PDE4D: variants seen among roughly 807,000 people sequenced by gnomAD.
PDE4D encodes the protein phosphodiesterase 4D.
Under a neutral mutation model 87.4 loss-of-function variants are expected in PDE4D, and 24 were observed. That is an observed-to-expected ratio of 0.27 (90% CI 0.20 to 0.39). PDE4D has a LOEUF of 0.39. PDE4D is among the 10% of genes least tolerant of loss of function. PDE4D has a pLI of 1.00. For synonymous variants in PDE4D, 384 were observed against 383.2 expected, an observed-to-expected ratio of 1.00 and a Z score of -0.02; for missense variants, 714 against 1,041.0, an observed-to-expected ratio of 0.69 and a Z score of 4.32.
chr5:59,562,457 C>T (rs1001726511), intron 1 of PDE4D, among the ~76,000 whole-genome samples: 2 of 152,062 alleles, frequency 1.3e-5, no homozygotes, highest in Admixed American at 1.3e-4. Context: ...TGAGATTTGA[C>T]CAGGATGATC....
At chr5:59,019,407 T>C (rs1320167194) in intron 6 of PDE4D, among the ~76,000 whole-genome samples, 1 of 152,190 alleles carries the variant, frequency 6.6e-6, no homozygotes, top group Non-Finnish European at 1.5e-5. Flanking sequence ...TATAGTCAAA[T>C]GTAAGGGTTC....
chr5:59,355,798 A>G (rs1781287537), intron 1 of PDE4D, among the ~76,000 whole-genome samples: 1 of 152,142 alleles, frequency 6.6e-6, no homozygotes, highest in African/African-American at 2.4e-5. Context: ...TTAGTGTCTA[A>G]AGCAAATAAT....
intron 1 of PDE4D, among the ~76,000 whole-genome samples, chr5:59,373,816 A>G (rs760538996): frequency 3.3e-5 from 5 of 152,204 alleles, no homozygotes; most frequent in Admixed American, 1.3e-4. Context: ...AGCCCATCAG[A>G]CTAACTGTGG....
intron 1 of PDE4D, among the ~76,000 whole-genome samples, chr5:59,556,876 A>C (rs1459227663): frequency 6.6e-6 from 1 of 152,190 alleles, no homozygotes; most frequent in Non-Finnish European, 1.5e-5. Context: ...GAAGGGAGGA[A>C]GGGAAGGACA....
In PDE4D at chr5:59,791,771, T is replaced by C. The variant is rs564864764; in HGVS notation, c.455+101397A>G. 3.3e-5 allele frequency among the ~76,000 whole-genome samples: 5 copies of C among 152,246 alleles called. No homozygotes were observed. In the South Asian group the frequency reaches 1.0e-3, roughly 32 times the overall value. The stretch of plus-strand genomic sequence containing the variant: ...GGAGCAGACAGCCCCGGGCTTAGAA[T>C]CCTAAGACTTGATTCAAGTGCTGCT... On this transcript the variant is annotated intron_variant, in intron 1 of 14. Transcript: ENST00000340635.
intron 1 of PDE4D, among the ~76,000 whole-genome samples, chr5:59,529,474 AAGG>A (rs1194833823): frequency 6.6e-6 from 1 of 152,150 alleles, no homozygotes; most frequent in African/African-American, 2.4e-5. Flanking sequence ...CAACACTGAC[AAGG>A]AGAAGGATGT....
intron 1 of PDE4D, among the ~76,000 whole-genome samples, chr5:59,238,060 T>C (rs544751936): frequency 1.3e-5 from 2 of 152,166 alleles, no homozygotes; most frequent in East Asian, 3.9e-4. Flanking sequence ...GAACACAGGG[T>C]CTAGGCAGCC....
intron 2 of PDE4D, among the ~76,000 whole-genome samples, chr5:60,167,754 T>C (rs190084525): frequency 4.6e-5 from 7 of 152,320 alleles, no homozygotes. Flanking sequence ...TTCTCAACAT[T>C]CACTGAGCTT....
chr5:59,746,967 G>A (rs1192520623), intron 1 of PDE4D, among the ~76,000 whole-genome samples: 2 of 152,066 alleles, frequency 1.3e-5, no homozygotes, highest in Non-Finnish European at 2.9e-5. Context: ...CTGACCTAAA[G>A]GTCTCTCCTC....
At chr5:59,544,699 G>A (rs1182028915) in intron 1 of PDE4D, among the ~76,000 whole-genome samples, 1 of 152,174 alleles carries the variant, frequency 6.6e-6, no homozygotes, top group African/African-American at 2.4e-5. Context: ...ACAGTGAGTA[G>A]TGGGGAGAAG....
chr5:59,505,603 C>T (rs1809116758), intron 1 of PDE4D, among the ~76,000 whole-genome samples: 1 of 152,158 alleles, frequency 6.6e-6, no homozygotes, highest in South Asian at 2.1e-4. Flanking sequence ...CTGTGCTAAG[C>T]ATTTTACATT....
intron 5 of PDE4D, among the ~76,000 whole-genome samples, chr5:59,136,852 C>T (rs1777147402): frequency 6.6e-6 from 1 of 152,176 alleles, no homozygotes; most frequent in Non-Finnish European, 1.5e-5. Flanking sequence ...TCACGAAGAA[C>T]TGAAGATCAC....
chr5:59,525,460 C>T (rs1338507122), intron 1 of PDE4D, among the ~76,000 whole-genome samples: 3 of 152,322 alleles, frequency 2.0e-5, no homozygotes, highest in East Asian at 3.9e-4. Context: ...AATTAACTTG[C>T]TTTTGCTTTT....
At position 60,469,296 on chromosome 5, in the gene PDE4D, G is replaced by C. The variant is rs76750579; in HGVS notation, c.-90+18646C>G. On this transcript the variant is annotated intron_variant, in intron 1 of 16. Coordinates refer to the PDE4D transcript ENST00000502484. ...CCTTTCCTTCACTCCACCCCCTCCTGTTCTGTCTCCTACCTCTCTGACTGC... is the reference window on the plus strand; with the variant it reads ...CCTTTCCTTCACTCCACCCCCTCCTCTTCTGTCTCCTACCTCTCTGACTGC... Among the ~76,000 whole-genome samples, 10 of 152,042 alleles carry C rather than the reference G, an allele frequency of 6.6e-5. No individual in the cohort carries two copies. In the South Asian group the frequency reaches 2.1e-3, roughly 32 times the overall value.
At chr5:59,740,713 G>A (rs1758713955) in intron 1 of PDE4D, among the ~76,000 whole-genome samples, 1 of 152,136 alleles carries the variant, frequency 6.6e-6, no homozygotes, top group Non-Finnish European at 1.5e-5. Flanking sequence ...CAGGTAAAGA[G>A]GGGCAAGCAC....
intron 1 of PDE4D, among the ~76,000 whole-genome samples, chr5:60,441,633 C>T (rs1207008536): frequency 6.6e-6 from 1 of 152,136 alleles, no homozygotes; most frequent in African/African-American, 2.4e-5. Flanking sequence ...AAGAAACTAT[C>T]ATCAGAGTGA....
chr5:60,430,550 T>TTTTG (rs1307842831), intron 1 of PDE4D, among the ~76,000 whole-genome samples: 1 of 85,372 alleles, frequency 1.2e-5, no homozygotes, highest in African/African-American at 5.5e-5. Context: ...TTTTTGTTTG[T>TTTTG]TTTTTTTTTT....
At chr5:60,370,099 C>T (rs919633456) in intron 1 of PDE4D, among the ~76,000 whole-genome samples, 1 of 152,152 alleles carries the variant, frequency 6.6e-6, no homozygotes, top group African/African-American at 2.4e-5. Flanking sequence ...TGAGTGAACA[C>T]CTGTGAATTT....
chr5:59,691,047 C>G (rs1357120568), intron 1 of PDE4D, among the ~76,000 whole-genome samples: 1 of 152,100 alleles, frequency 6.6e-6, no homozygotes, highest in Non-Finnish European at 1.5e-5. Flanking sequence ...GTTAAAATGG[C>G]AATCATTAAA....
Sources: allele counts gnomAD v4.1 joint callset (sites outside exome capture counted in the v4.1 genomes callset), GRCh38; gene constraint gnomAD v4.1.1; transcripts MANE v1.5; gene names NCBI Gene and HGNC (gene_info 2026-07-23, HGNC 2026-07-21).